The following SEC24A variants were observed in gnomAD, a reference collection of about 807,000 sequenced individuals.
The protein encoded by SEC24A is protein transport protein Sec24A.
SEC24A carries 93 observed loss-of-function variants against 129.4 expected under a neutral mutation model. The observed-to-expected ratio is 0.72, with a 90% CI of 0.61 to 0.85. The LOEUF (loss-of-function observed/expected upper bound fraction) is 0.85. Ranked by LOEUF, SEC24A falls within the 40% of genes least tolerant of loss-of-function variation. SEC24A has a pLI of 0.00. For missense variants in SEC24A, 1,264 were observed against 1,307.4 expected (o/e 0.97, Z 0.51); for synonymous variants, 460 against 467.3 (o/e 0.98, Z 0.20).
intron 9 of SEC24A, among the ~76,000 whole-genome samples, chr5:134,684,267 C>A (rs1401957857): frequency 8.1e-5 from 12 of 148,602 alleles, no homozygotes; most frequent in Admixed American, 7.4e-4. Context: ...TGCGCCACCA[C>A]ACCCCAGCCT....
chr5:134,663,538 C>A (rs1240752309), intron 2 of SEC24A, among the ~76,000 whole-genome samples: 1 of 152,146 alleles, frequency 6.6e-6, no homozygotes, highest in Non-Finnish European at 1.5e-5. Flanking sequence ...TATTTAAGGG[C>A]CAGGCGTGGT....
intron 17 of SEC24A, among the ~76,000 whole-genome samples, chr5:134,707,856 C>A (rs1752211320): frequency 6.6e-6 from 1 of 151,692 alleles, no homozygotes; most frequent in African/African-American, 2.4e-5. Context: ...TGTTTTTATG[C>A]AGAAATGCGT....
chr5:134,650,234 C>A (rs1749999719), intron 1 of SEC24A, among the ~76,000 whole-genome samples: 1 of 152,086 alleles, frequency 6.6e-6, no homozygotes, highest in South Asian at 2.1e-4. Context: ...CTGAGTTAAC[C>A]ATTCTTTCTC....
chr5:134,692,171 C>G (rs984541132), intron 11 of SEC24A, among the ~76,000 whole-genome samples: 1 of 151,540 alleles, frequency 6.6e-6, no homozygotes, highest in African/African-American at 2.4e-5. Flanking sequence ...GGAATCCTCC[C>G]ACATAGCTGG....
At position 134,666,900 on chromosome 5, in the gene SEC24A, G is replaced by A. The variant is rs1197715517; in HGVS notation, c.643G>A (p.Ala215Thr). The change falls in exon 3 of 23, where the codon GCT becomes ACT. Residue 215 changes from alanine to threonine, a missense_variant. By Grantham distance (58) the Ala-to-Thr change is moderately conservative. Transcript: ENST00000398844. Reference sequence around the variant, plus strand: ...AGGAGCTCCTCATGGGCCCCCTCCAGCTGGAGGCCCACCCCCAGTGAGGGC... The same window carrying A: ...AGGAGCTCCTCATGGGCCCCCTCCAACTGGAGGCCCACCCCCAGTGAGGGC... ...QPGAPHGPPPAGGPPPVRALT... is the reference protein window; with the variant it reads ...QPGAPHGPPPTGGPPPVRALT... 6.2e-7 allele frequency: 1 copy of A among 1,613,666 alleles called. No individual in the cohort carries two copies. The highest frequency in any genetic ancestry group is 2.2e-5 in the East Asian group (1 of 44,858).
chr5:134,703,680 C>G (rs1752069027), intron 15 of SEC24A, 79 bp from the exon 16 acceptor site: 1 of 957,706 alleles, frequency 1.0e-6, no homozygotes, highest in East Asian at 2.6e-5. Context: ...TTTTGCCAAT[C>G]TGATAAGTAA....
At chr5:134,721,720 A>T (rs913056768) in intron 21 of SEC24A, among the ~76,000 whole-genome samples, 5 of 152,126 alleles carry the variant, frequency 3.3e-5, no homozygotes, top group Non-Finnish European at 7.4e-5. Context: ...GAACATTTTT[A>T]AAATAGCTGG....
chr5:134,705,297 C>G (rs967158327), intron 16 of SEC24A, 30 bp from the exon 17 acceptor site: 28 of 1,518,772 alleles, frequency 1.8e-5, no homozygotes, highest in Admixed American at 3.4e-5. Context: ...ATAGTTGCCC[C>G]TCACTGTTGT....
At chr5:134,675,300 C>A in intron 6 of SEC24A, 83 bp downstream of exon 6, 1 of 993,572 alleles carries the variant, frequency 1.0e-6, no homozygotes, top group Non-Finnish European at 1.5e-6. Context: ...TATGAATAAG[C>A]TGTACAAATT....
At chr5:134,667,882 A>C (rs981908531) in intron 3 of SEC24A, among the ~76,000 whole-genome samples, 6 of 152,108 alleles carry the variant, frequency 3.9e-5, no homozygotes, top group Non-Finnish European at 8.8e-5. Context: ...AATGGAAATA[A>C]GAGTGTTCAT....
rs190285230 is a variant in SEC24A, at chr5:134,666,038, C to T, written c.566-785C>T. 2.6e-4 allele frequency among the ~76,000 whole-genome samples: 40 copies of T among 152,160 alleles called. No homozygotes were observed. In the East Asian group the frequency reaches 7.5e-3, roughly 29 times the overall value. On this transcript the variant is annotated intron_variant, in intron 2 of 22. Coordinates refer to ENST00000398844, the MANE Select transcript of SEC24A (RefSeq NM_021982.3). ...CAGTGGCTCACGCCTGTAATCCCAG[C>T]ACTTTGGGAGGCCAAGACAGGAGGA... is the stretch of plus-strand genomic sequence containing the variant.
intron 20 of SEC24A, among the ~76,000 whole-genome samples, chr5:134,718,833 G>A (rs1752551074): frequency 1.3e-5 from 2 of 151,900 alleles, no homozygotes. Flanking sequence ...AACCGAGCGT[G>A]GTGGGGCATG....
chr5:134,682,158 G>A (rs978078151), intron 8 of SEC24A, among the ~76,000 whole-genome samples: 4 of 151,800 alleles, frequency 2.6e-5, no homozygotes, highest in African/African-American at 9.7e-5. Context: ...CAGGAGAATC[G>A]CTTGAACCTA....
At chr5:134,650,975 A>C (rs1750028681) in intron 1 of SEC24A, among the ~76,000 whole-genome samples, 1 of 151,880 alleles carries the variant, frequency 6.6e-6, no homozygotes, top group Admixed American at 6.6e-5. Context: ...GGGTTTCACC[A>C]TGCTGGTCAG....
chr5:134,679,788 T>C (rs1561813717), intron 8 of SEC24A, 60 bp downstream of exon 8: 2 of 1,369,814 alleles, frequency 1.5e-6, no homozygotes, highest in Non-Finnish European at 2.0e-6. Flanking sequence ...GGAAATCAGA[T>C]GATACAAATG....
chr5:134,665,087 T>C lies in SEC24A; in HGVS notation c.566-1736T>C, dbSNP rs550598250. On this transcript the variant is annotated intron_variant, in intron 2 of 22. Coordinates refer to ENST00000398844, the MANE Select transcript of SEC24A (RefSeq NM_021982.3). The stretch of plus-strand genomic sequence containing the variant: ...TGCTGGGATTACAGGCGTGAGCCAC[T>C]GCACCCAGCCTAATAGGCAATTTTT... Among the ~76,000 whole-genome samples, 3 of 151,896 alleles carry C rather than the reference T, an allele frequency of 2.0e-5. No individual in the cohort carries two copies. In the South Asian group the frequency reaches 6.3e-4, roughly 32 times the overall value.
At chr5:134,650,356 A>T (rs996367913) in intron 1 of SEC24A, among the ~76,000 whole-genome samples, 1 of 152,202 alleles carries the variant, frequency 6.6e-6, no homozygotes, top group African/African-American at 2.4e-5. Flanking sequence ...CTTATAATCT[A>T]TAAATTGCAG....
intron 11 of SEC24A, among the ~76,000 whole-genome samples, chr5:134,692,058 T>C (rs1461237894): frequency 2.0e-5 from 2 of 100,890 alleles, no homozygotes; most frequent in Admixed American, 1.0e-4. Flanking sequence ...TTTTCTTTCC[T>C]TTTTTTTTTT....
chr5:134,695,217 A>G (rs1457458411), intron 13 of SEC24A, among the ~76,000 whole-genome samples: 1 of 152,034 alleles, frequency 6.6e-6, no homozygotes, highest in Non-Finnish European at 1.5e-5. Flanking sequence ...AAAAATACAA[A>G]AAAAATTAGC....
Sources: allele counts gnomAD v4.1 joint callset (sites outside exome capture counted in the v4.1 genomes callset), GRCh38; gene constraint gnomAD v4.1.1; transcripts MANE v1.5; gene names NCBI Gene and HGNC (gene_info 2026-07-23, HGNC 2026-07-21).